The following RNF169 variants were observed in gnomAD, a reference collection of about 807,000 sequenced individuals.
RNF169 encodes the protein E3 ubiquitin-protein ligase RNF169.
A neutral mutation model predicts 53.9 loss-of-function variants in RNF169; 24 were observed. That is an observed-to-expected ratio of 0.45 (90% CI 0.32 to 0.63). RNF169 has a LOEUF of 0.63. Among genes scored for constraint, RNF169 ranks in the 20% least tolerant of loss-of-function variants. The pLI is 0.04. For synonymous variants in RNF169, 396 were observed against 363.5 expected (o/e 1.09, Z -1.02); for missense variants, 883 against 906.2 (o/e 0.97, Z 0.33).
intron 1 of RNF169, among the ~76,000 whole-genome samples, chr11:74,785,242 TTA>T (rs1255074859): frequency 8.5e-5 from 7 of 82,742 alleles, no homozygotes; most frequent in East Asian, 5.2e-4. Context: ...TATATATATG[TTA>T]TATATGTTAG....
intron 1 of RNF169, among the ~76,000 whole-genome samples, chr11:74,787,844 A>G (rs1169977695): frequency 2.0e-5 from 3 of 152,254 alleles, no homozygotes; most frequent in African/African-American, 7.2e-5. Context: ...TATATATGCA[A>G]GATATTCATT....
intron 2 of RNF169, among the ~76,000 whole-genome samples, chr11:74,808,468 G>A (rs999417879): frequency 6.6e-6 from 1 of 152,152 alleles, no homozygotes; most frequent in African/African-American, 2.4e-5. Context: ...CAGACTTGCC[G>A]AATGTTCTGG....
chr11:74,789,660 G>A lies in RNF169; in HGVS notation c.537G>A (p.Lys179=). 6.2e-7 allele frequency: 1 copy of A among 1,609,574 alleles called. No individual in the cohort carries two copies. Among genetic ancestry groups the A allele is most frequent in the Non-Finnish European group, 8.5e-7 (1 of 1,176,514 alleles). ...FIFRAPIKLS[K]PGELREEYES... ...TCAGAGCACCAATCAAATTAAGCAAGCCTGGGGAACTTCGTGAGGAATATG... is the reference window on the plus strand; with the variant it reads ...TCAGAGCACCAATCAAATTAAGCAAACCTGGGGAACTTCGTGAGGAATATG... Residue 179 remains lysine (K), a synonymous_variant, in exon 2 of 6, where the codon AAG becomes AAA. Transcript: ENST00000299563.
intron 3 of RNF169, 118 bp downstream of exon 3, chr11:74,810,448 T>TTACTG: frequency 3.2e-6 from 3 of 937,256 alleles, no homozygotes; most frequent in Non-Finnish European, 5.1e-6. Context: ...TCAGTGACTG[T>TTACTG]GCAGCTTAAG....
At position 74,835,878 on chromosome 11, in the gene RNF169, G is replaced by A. The variant is rs369569812; in HGVS notation, c.1275G>A (p.Glu425=). Residue 425 remains glutamate (E), a synonymous_variant, in exon 6 of 6, where the codon GAG becomes GAA. Transcript: ENST00000299563. Reference sequence around the variant, plus strand: ...GCCTGCAGAAGCAGACTTCTTATGAGGCCAGTCCACGGATCCTCAAAAAGT... The same window carrying A: ...GCCTGCAGAAGCAGACTTCTTATGAAGCCAGTCCACGGATCCTCAAAAAGT... ...NRSLQKQTSY[E]ASPRILKKWE... The A allele has an allele frequency of 1.9e-6, 3 of 1,614,036 alleles. No homozygotes were observed. The highest frequency in any genetic ancestry group is 1.1e-5 in the South Asian group (1 of 91,090).
intron 1 of RNF169, among the ~76,000 whole-genome samples, chr11:74,774,479 A>T (rs1206060404): frequency 6.6e-6 from 1 of 151,260 alleles, no homozygotes; most frequent in Non-Finnish European, 1.5e-5. Context: ...TTTTTAGGCT[A>T]AGTAAAGATT....
At chr11:74,755,151 T>C (rs558133214) in intron 1 of RNF169, among the ~76,000 whole-genome samples, 1 of 152,338 alleles carries the variant, frequency 6.6e-6, no homozygotes, top group Admixed American at 6.5e-5. Flanking sequence ...ATGACACATA[T>C]CCGAGAATTT....
intron 1 of RNF169, among the ~76,000 whole-genome samples, chr11:74,787,096 T>G (rs929080408): frequency 8.5e-5 from 13 of 152,334 alleles, no homozygotes; most frequent in Admixed American, 5.9e-4. Flanking sequence ...AGAAGAATCT[T>G]ATGCATTCTA....
intron 4 of RNF169, chr11:74,832,588 G>A (rs1401119804): frequency 3.3e-5 from 5 of 151,982 alleles, no homozygotes; most frequent in Non-Finnish European, 5.9e-5. Flanking sequence ...TACCTCTAAC[G>A]GCCTGGAGCT....
intron 4 of RNF169, among the ~76,000 whole-genome samples, chr11:74,830,385 A>G (rs913798010): frequency 6.6e-6 from 1 of 152,136 alleles, no homozygotes; most frequent in African/African-American, 2.4e-5. Context: ...GACAAATACT[A>G]TGAACAATTT....
chr11:74,785,000 G>A (rs949012427), intron 1 of RNF169, among the ~76,000 whole-genome samples: 2 of 151,762 alleles, frequency 1.3e-5, no homozygotes, highest in Admixed American at 6.6e-5. Flanking sequence ...AACGTTAGCT[G>A]TTTTTACTTA....
At chr11:74,776,630 G>A (rs985917081) in intron 1 of RNF169, among the ~76,000 whole-genome samples, 1 of 151,782 alleles carries the variant, frequency 6.6e-6, no homozygotes, top group Non-Finnish European at 1.5e-5. Flanking sequence ...TATAACACAA[G>A]TAGTAAATGT....
chr11:74,819,499 A>G (rs1376950365), intron 4 of RNF169, among the ~76,000 whole-genome samples: 1 of 152,190 alleles, frequency 6.6e-6, no homozygotes. Flanking sequence ...CATCTTGTTC[A>G]TCATTATAAT....
chr11:74,788,900 A>G (rs1481242607), intron 1 of RNF169, among the ~76,000 whole-genome samples: 1 of 152,162 alleles, frequency 6.6e-6, no homozygotes, highest in Non-Finnish European at 1.5e-5. Context: ...GTAAAAGGGG[A>G]GAGAGTGGGC....
At chr11:74,758,769 G>T (rs550708453) in intron 1 of RNF169, among the ~76,000 whole-genome samples, 9 of 152,168 alleles carry the variant, frequency 5.9e-5, no homozygotes, top group African/African-American at 2.2e-4. Flanking sequence ...CTCCCAAAGT[G>T]CTGGGATTAC....
intron 1 of RNF169, among the ~76,000 whole-genome samples, chr11:74,757,322 T>C (rs1469386472): frequency 9.8e-6 from 1 of 101,640 alleles, no homozygotes; most frequent in Non-Finnish European, 1.9e-5. Flanking sequence ...ACAAAGGACA[T>C]GAACTCATCA....
At chr11:74,816,962 A>G (rs1474673921) in intron 3 of RNF169, among the ~76,000 whole-genome samples, 1 of 152,198 alleles carries the variant, frequency 6.6e-6, no homozygotes, top group Non-Finnish European at 1.5e-5. Context: ...AGAAAGCCTG[A>G]AGAGAATGAG....
In RNF169 at chr11:74,839,948, T is replaced by G. The variant is rs2036325798; in HGVS notation, c.*3218T>G. ...AAGTGGCTTCACTTATTTTTTAAAT[T>G]TTAATTTAATTTTTAAATTTTTGCT... On this transcript the variant is annotated 3_prime_UTR_variant, in exon 6 of 6. Transcript: ENST00000299563. 1.3e-5 allele frequency: 2 copies of G among 152,228 alleles called. No individual in the cohort carries two copies. Among genetic ancestry groups the G allele is most frequent in the Admixed American group, 1.3e-4 (2 of 15,280 alleles). 9.4% of individuals were successfully genotyped at this position (152,228 alleles called of 1,614,324 possible).
At chr11:74,801,834 A>T (rs926651368) in intron 2 of RNF169, among the ~76,000 whole-genome samples, 23 of 152,208 alleles carry the variant, frequency 1.5e-4, no homozygotes, top group Non-Finnish European at 2.2e-4. Flanking sequence ...TTAGATTTTT[A>T]AAAATACGTT....
Sources: allele counts gnomAD v4.1 joint callset (sites outside exome capture counted in the v4.1 genomes callset), GRCh38; gene constraint gnomAD v4.1.1; transcripts MANE v1.5; gene names NCBI Gene and HGNC (gene_info 2026-07-23, HGNC 2026-07-21).